HOXD11: variants seen among roughly 807,000 people sequenced by gnomAD.
The protein encoded by HOXD11 is homeobox D11, also known as homeobox protein Hox-D11.
HOXD11 carries 16 observed loss-of-function variants against 23.1 expected under a neutral mutation model. That is an observed-to-expected ratio of 0.69 (90% CI 0.47 to 1.05). HOXD11 has a LOEUF of 1.05. Ranked by LOEUF, HOXD11 falls within the 50% of genes least tolerant of loss-of-function variation. The probability of loss-of-function intolerance (pLI) is 0.00; values close to 1 mark genes in which losing one functional copy is unlikely to be tolerated. For synonymous variants in HOXD11, 262 were observed against 224.4 expected, an observed-to-expected ratio of 1.17 and a Z score of -1.50; for missense variants, 564 against 495.6, an observed-to-expected ratio of 1.14 and a Z score of -1.31.
intron 1 of HOXD11, among the ~76,000 whole-genome samples, chr2:176,108,410 G>C (rs1200221949): frequency 1.3e-5 from 2 of 150,792 alleles, no homozygotes; most frequent in Admixed American, 6.6e-5. Context: ...ACCATGGAGG[G>C]AGGGAGGGAG....
chr2:176,108,045 T>C lies in HOXD11; in HGVS notation c.690T>C (p.Pro230=), dbSNP rs1006968789. Reference sequence around the variant, plus strand: ...GCAGTCCCTGCACCAAGGCGACCCCTGGCTCGGAGCCCAAGGGGGCAGCAG... The same window carrying C: ...GCAGTCCCTGCACCAAGGCGACCCCCGGCTCGGAGCCCAAGGGGGCAGCAG... ...GGGSPCTKAT[P]GSEPKGAAEG... is the part of the protein sequence containing the mutation. The change falls in exon 1 of 2, where the codon CCT becomes CCC. Residue 230 remains proline, a synonymous_variant. Coordinates refer to ENST00000249504, the MANE Select transcript of HOXD11 (RefSeq NM_021192.3). The C allele has an allele frequency of 1.2e-5, 18 of 1,490,436 alleles. No homozygotes were observed. Among genetic ancestry groups the C allele is most frequent in the Non-Finnish European group, 1.5e-5 (17 of 1,126,052 alleles). 92.3% of individuals were successfully genotyped at this position (1,490,436 alleles called of 1,614,324 possible). A position where few individuals can be genotyped will look rare whatever the true frequency, so the allele number is the denominator to read the frequency against.
rs1052975969 is a variant in HOXD11, at chr2:176,107,991, C to T, written c.636C>T (p.Asp212=). 3.2e-5 allele frequency: 47 copies of T among 1,478,934 alleles called. No homozygotes were observed. The highest frequency in any genetic ancestry group is 4.2e-5 in the Non-Finnish European group (47 of 1,120,034). The allele number at this position is 1,478,934 out of a possible 1,614,324, so 91.6% of individuals were successfully genotyped here. A position where few individuals can be genotyped will look rare whatever the true frequency, so the allele number is the denominator to read the frequency against. ...PQPEGAADKG[D]PRTGAGGGGG... is the part of the protein sequence containing the mutation. ...CCGAGGGCGCAGCCGACAAGGGCGA[C>T]CCCAGGACCGGGGCTGGTGGCGGCG... The change falls in exon 1 of 2, where the codon GAC becomes GAT. Residue 212 remains aspartate (D), a synonymous_variant. Coordinates refer to ENST00000249504, the MANE Select transcript of HOXD11 (RefSeq NM_021192.3).
chr2:176,110,891 C>T (rs1039622347), downstream of HOXD11, among the ~76,000 whole-genome samples: 1 of 152,172 alleles, frequency 6.6e-6, no homozygotes, highest in Non-Finnish European at 1.5e-5. Flanking sequence ...GATTAAAATG[C>T]CTTCTAGCTG....
chr2:176,108,036 G>T lies in HOXD11; in HGVS notation c.681G>T (p.Lys227Asn). ...AGGGGGSPCTKATPGSEPKGA... is the reference protein window; with the variant it reads ...AGGGGGSPCTNATPGSEPKGA... ...GCGGCGGGGGCAGTCCCTGCACCAA[G>T]GCGACCCCTGGCTCGGAGCCCAAGG... The change falls in exon 1 of 2, where the codon AAG (lysine) becomes AAT (asparagine). Residue 227 changes from lysine to asparagine, a missense_variant. By Grantham distance (94) the Lys-to-Asn change is moderately conservative. Transcript: ENST00000249504. The T allele has an allele frequency of 6.7e-7, 1 of 1,493,040 alleles. No individual in the cohort carries two copies. Among genetic ancestry groups the T allele is most frequent in the East Asian group, 2.8e-5 (1 of 35,802 alleles). The allele number at this position is 1,493,040 out of a possible 1,614,324, so 92.5% of individuals were successfully genotyped here.
the HOXD11 span, among the ~76,000 whole-genome samples, chr2:176,115,309 G>A: frequency 6.6e-6 from 1 of 152,300 alleles, no homozygotes; most frequent in East Asian, 1.9e-4. Flanking sequence ...AATAATTTCA[G>A]AAATTGTCCA....
In HOXD11 at chr2:176,107,339, G is replaced by A. The variant is rs779644664; in HGVS notation, c.-17G>A. 1 of 1,559,958 alleles carries A rather than the reference G, an allele frequency of 6.4e-7. No homozygotes were observed. Among genetic ancestry groups the A allele is most frequent in the South Asian group, 1.2e-5 (1 of 84,950 alleles). Reference sequence around the variant, plus strand: ...GGGGAGCGGCCAGAGGCTCGCTGGCGCGCACGCCGCGGAGTCATGAACGAC... The same window carrying A: ...GGGGAGCGGCCAGAGGCTCGCTGGCACGCACGCCGCGGAGTCATGAACGAC... On this transcript the variant is annotated 5_prime_UTR_variant, in exon 1 of 2. Transcript: ENST00000249504.
intron 1 of HOXD11, chr2:176,108,680 T>TGTGC (rs1268439074): frequency 1.8e-6 from 1 of 567,600 alleles, no homozygotes; most frequent in Non-Finnish European, 3.1e-6. Flanking sequence ...TGTGTGTGTG[T>TGTGC]GTGTGTGTGT....
chr2:176,107,794 G>A lies in HOXD11; in HGVS notation c.439G>A (p.Val147Met). Residue 147 changes from valine (V) to methionine (M), a missense_variant, in exon 1 of 2, where the codon GTG becomes ATG. Transcript: ENST00000249504. ...PDVLFKAPEP[V>M]CAAPGPPHGP... ...CGTGCTCTTCAAGGCGCCTGAGCCG[G>A]TGTGCGCTGCGCCGGGGCCGCCGCA... 3.7e-6 allele frequency: 5 copies of A among 1,368,902 alleles called. No homozygotes were observed. Among genetic ancestry groups the A allele is most frequent in the Non-Finnish European group, 4.7e-6 (5 of 1,061,124 alleles). 84.8% of individuals were successfully genotyped at this position (1,368,902 alleles called of 1,614,324 possible).
chr2:176,114,887 C>G, the HOXD11 span, among the ~76,000 whole-genome samples: 9 of 152,234 alleles, frequency 5.9e-5, no homozygotes, highest in African/African-American at 1.4e-4. Context: ...GGACTGAGAA[C>G]TGGTTCATGG....
Position 176,107,709 on chromosome 2 carries a change from G to A in HOXD11, c.354G>A (p.Ala118=). The change falls in exon 1 of 2, where the codon GCG becomes GCA. Residue 118 remains alanine (A), a synonymous_variant. Transcript: ENST00000249504. ...CGGCGGCGGCGGCTGCGGCGGCCGC[G>A]GCGGCCGAGGAGGCGGCCATGCAAC... is the stretch of plus-strand genomic sequence containing the variant. ...AAAAAAAAAA[A]AAEEAAMQRE... The A allele has an allele frequency of 9.3e-7, 1 of 1,072,408 alleles. No individual in the cohort carries two copies. 66.4% of individuals were successfully genotyped at this position (1,072,408 alleles called of 1,614,324 possible). A position where few individuals can be genotyped will look rare whatever the true frequency, so the allele number is the denominator to read the frequency against.
At chr2:176,108,687 G>GTGTGTT in intron 1 of HOXD11, 1 of 578,572 alleles carries the variant, frequency 1.7e-6, no homozygotes, top group Non-Finnish European at 3.1e-6. Flanking sequence ...GTGTGTGTGT[G>GTGTGTT]TGTGTGTGTG....
At chr2:176,112,625 G>A (rs1206897799), downstream of HOXD11, among the ~76,000 whole-genome samples, 3 of 152,342 alleles carry the variant, frequency 2.0e-5, no homozygotes, top group South Asian at 2.1e-4. Context: ...TCTGACCGCC[G>A]GTCCACCTTG....
the HOXD11 span, among the ~76,000 whole-genome samples, chr2:176,115,453 C>T: frequency 6.6e-6 from 1 of 152,178 alleles, no homozygotes; most frequent in Non-Finnish European, 1.5e-5. Context: ...ATTCATAAAG[C>T]GAACGCCATT....
At position 176,107,533 on chromosome 2, in the gene HOXD11, G is replaced by A. The variant is rs765355142; in HGVS notation, c.178G>A (p.Glu60Lys). The A allele has an allele frequency of 1.2e-6, 2 of 1,612,970 alleles. No homozygotes were observed. Among genetic ancestry groups the A allele is most frequent in the South Asian group, 2.2e-5 (2 of 91,008 alleles). Residue 60 changes from glutamate to lysine, a missense_variant, in exon 1 of 2, where the codon GAA becomes AAA. Transcript: ENST00000249504. ...NLAPHVQPVREVAFRDYGLER... is the reference protein window; with the variant it reads ...NLAPHVQPVRKVAFRDYGLER... ...GGCTCCGCACGTCCAGCCCGTGCGC[G>A]AAGTGGCCTTCCGCGACTACGGCCT...
downstream of HOXD11, among the ~76,000 whole-genome samples, chr2:176,110,091 A>G (rs545022350): frequency 1.3e-5 from 2 of 152,368 alleles, no homozygotes; most frequent in South Asian, 4.1e-4. Flanking sequence ...GTTTTCGAAA[A>G]GGAAGTCATC....
In HOXD11 at chr2:176,109,280, C is replaced by T. The variant is rs926592417; in HGVS notation, c.*138C>T. ...CTTCACGATTCCTTCCCACGGTCAA[C>T]TCGGGACCTCCCAGCGACCACTGCA... On this transcript the variant is annotated 3_prime_UTR_variant, in exon 2 of 2. Transcript: ENST00000249504. 4.6e-6 allele frequency: 3 copies of T among 649,002 alleles called. No homozygotes were observed. The highest frequency in any genetic ancestry group is 8.2e-6 in the Non-Finnish European group (3 of 366,540). 40.2% of individuals were successfully genotyped at this position (649,002 alleles called of 1,614,324 possible).
downstream of HOXD11, among the ~76,000 whole-genome samples, chr2:176,113,109 C>G (rs1689700382): frequency 6.6e-6 from 1 of 152,162 alleles, no homozygotes; most frequent in African/African-American, 2.4e-5. Flanking sequence ...CATTTGCCCC[C>G]TAGATTTCCT....
At chr2:176,114,060 G>C (rs1162601951), downstream of HOXD11, among the ~76,000 whole-genome samples, 1 of 152,234 alleles carries the variant, frequency 6.6e-6, no homozygotes, top group African/African-American at 2.4e-5. Flanking sequence ...CCTTTCTTAG[G>C]GTAGGGAAAA....
chr2:176,112,973 A>G (rs938482858), downstream of HOXD11, among the ~76,000 whole-genome samples: 1 of 152,090 alleles, frequency 6.6e-6, no homozygotes, highest in African/African-American at 2.4e-5. Context: ...AAGGTCTCAG[A>G]CTCTGAAGTG....
Sources: allele counts gnomAD v4.1 joint callset (sites outside exome capture counted in the v4.1 genomes callset), GRCh38; gene constraint gnomAD v4.1.1; transcripts MANE v1.5; gene names NCBI Gene and HGNC (gene_info 2026-07-23, HGNC 2026-07-21).